Variants in RAG1 observed in about 807,000 individuals in gnomAD.
RAG1 encodes the protein recombination activating 1.
RAG1 carries 35 observed loss-of-function variants against 62.7 expected under a neutral mutation model. The ratio of observed to expected loss-of-function variants is 0.56; its 90% CI spans 0.43 to 0.74. The LOEUF (loss-of-function observed/expected upper bound fraction) is 0.74. RAG1 is among the 30% of genes least tolerant of loss of function. RAG1 has a pLI of 0.00. For synonymous variants in RAG1, 461 were observed against 470.3 expected (o/e 0.98, Z 0.26); for missense variants, 1,169 against 1,278.6 (o/e 0.91, Z 1.31).
chr11:36,579,709 A>T lies in RAG1; in HGVS notation c.*3273A>T, dbSNP rs1380011696. ...ATTTCCATTCATTAATATTATGGTT[A>T]TTGTCAGCAATTTTATGTTTGAATA... On this transcript the variant is annotated 3_prime_UTR_variant, in exon 2 of 2. Coordinates refer to ENST00000299440, the MANE Select transcript of RAG1 (RefSeq NM_000448.3). 1 of 166,906 alleles carries T rather than the reference A, an allele frequency of 6.0e-6. No individual in the cohort carries two copies. Among genetic ancestry groups the T allele is most frequent in the African/African-American group, 2.4e-5 (1 of 41,454 alleles). The allele number at this position is 166,906 out of a possible 1,614,324, so 10.3% of individuals were successfully genotyped here. A position where few individuals can be genotyped will look rare whatever the true frequency, so the allele number is the denominator to read the frequency against.
intron 2 of RAG1, among the ~76,000 whole-genome samples, chr11:36,528,361 A>T (rs958484250): frequency 1.3e-5 from 2 of 152,158 alleles, no homozygotes; most frequent in Non-Finnish European, 2.9e-5. Flanking sequence ...ACTCAACTAC[A>T]TGGAAACTGA....
At chr11:36,551,439 G>T (rs1047712845) in intron 3 of RAG1, among the ~76,000 whole-genome samples, 3 of 152,000 alleles carry the variant, frequency 2.0e-5, no homozygotes, top group East Asian at 3.9e-4. Flanking sequence ...AGTGGAATTG[G>T]TTTCTCTGAG....
At position 36,573,606 on chromosome 11, in the gene RAG1, C is replaced by A. The variant is rs772170562; in HGVS notation, c.302C>A (p.Ala101Glu). Residue 101 changes from alanine (A) to glutamate (E), a missense_variant, in exon 2 of 2, where the codon GCG becomes GAG. Transcript: ENST00000299440. ...GACAACGAGAAAGCAAGAGGCAAAG[C>A]GATCCATCAAGCCAACCTTCGACAT... is the stretch of plus-strand genomic sequence containing the variant. ...FHDNEKARGK[A>E]IHQANLRHLC... The A allele has an allele frequency of 6.2e-7, 1 of 1,614,166 alleles. No individual in the cohort carries two copies. Among genetic ancestry groups the A allele is most frequent in the Non-Finnish European group, 8.5e-7 (1 of 1,180,024 alleles).
downstream of RAG1, among the ~76,000 whole-genome samples, chr11:36,540,760 A>G (rs1313051487): frequency 6.6e-6 from 1 of 152,200 alleles, no homozygotes; most frequent in East Asian, 1.9e-4. Flanking sequence ...TTCTTTGGAC[A>G]TACCAAAGAC....
downstream of RAG1, among the ~76,000 whole-genome samples, chr11:36,540,745 C>A (rs1045184805): frequency 6.6e-6 from 1 of 152,180 alleles, no homozygotes; most frequent in Non-Finnish European, 1.5e-5. Flanking sequence ...CCAATCTTCT[C>A]TTTGTTCTTT....
At chr11:36,549,169 C>T (rs1218443451) in intron 3 of RAG1, among the ~76,000 whole-genome samples, 1 of 152,096 alleles carries the variant, frequency 6.6e-6, no homozygotes, top group Non-Finnish European at 1.5e-5. Flanking sequence ...CCATAAAAAC[C>T]CTAGAAGAAA....
chr11:36,549,464 G>T (rs1296875802), intron 3 of RAG1, among the ~76,000 whole-genome samples: 1 of 152,136 alleles, frequency 6.6e-6, no homozygotes, highest in East Asian at 1.9e-4. Context: ...GTGGGCGAAG[G>T]ATATGAACAG....
chr11:36,574,136 C>T lies in RAG1; in HGVS notation c.832C>T (p.Leu278Phe), dbSNP rs770722305. The T allele has an allele frequency of 3.1e-6, 5 of 1,614,216 alleles. No individual in the cohort carries two copies. In the South Asian group the frequency reaches 5.5e-5, roughly 18 times the overall value. ...NCSKIHLSTKLLAVDFPEHFV... is the reference protein window; with the variant it reads ...NCSKIHLSTKFLAVDFPEHFV... ...CAGTAAGATACATCTTAGTACCAAG[C>T]TCCTTGCAGTGGACTTCCCAGAGCA... The change falls in exon 2 of 2, where the codon CTC (leucine) becomes TTC (phenylalanine). Residue 278 changes from leucine to phenylalanine, a missense_variant. Leu to Phe is a conservative substitution (Grantham distance 22, BLOSUM62 0). Around this residue, in one of 2 missense-constraint regions of RAG1, gnomAD observed 800 missense variants for 943.3 expected, o/e 0.85. Transcript: ENST00000299440.
chr11:36,518,817 C>A (rs1239674645), intron 1 of RAG1, among the ~76,000 whole-genome samples: 1 of 152,172 alleles, frequency 6.6e-6, no homozygotes, highest in Non-Finnish European at 1.5e-5. Flanking sequence ...ATGGTAGTTT[C>A]TTTTGCTGTG....
At chr11:36,518,208 T>G (rs1335928560) in intron 1 of RAG1, among the ~76,000 whole-genome samples, 1 of 152,108 alleles carries the variant, frequency 6.6e-6, no homozygotes, top group Non-Finnish European at 1.5e-5. Flanking sequence ...CCATGGTGTA[T>G]ATGTGCCACA....
intron 1 of RAG1, among the ~76,000 whole-genome samples, chr11:36,572,337 C>A (rs937719625): frequency 2.6e-5 from 4 of 152,164 alleles, no homozygotes; most frequent in African/African-American, 9.7e-5. Context: ...TTTTCTGCAT[C>A]GCTAGCGATC....
downstream of RAG1, among the ~76,000 whole-genome samples, chr11:36,540,720 T>A (rs532926258): frequency 6.6e-6 from 1 of 152,206 alleles, no homozygotes; most frequent in Non-Finnish European, 1.5e-5. Flanking sequence ...TTCTTCGTTT[T>A]TTAAAATGAA....
intron 2 of RAG1, among the ~76,000 whole-genome samples, chr11:36,527,710 C>G (rs1049209294): frequency 1.2e-4 from 18 of 152,144 alleles, no homozygotes; most frequent in African/African-American, 3.9e-4. Context: ...TTCTTCCTAT[C>G]CATGAGCATG....
chr11:36,545,348 G>C (rs139249286), intron 3 of RAG1, among the ~76,000 whole-genome samples: 1 of 152,120 alleles, frequency 6.6e-6, no homozygotes, highest in Non-Finnish European at 1.5e-5. Flanking sequence ...GAGGTTATAA[G>C]GGTGGGCTTG....
intron 3 of RAG1, among the ~76,000 whole-genome samples, chr11:36,559,887 G>A (rs111439016): frequency 0.012 from 1,819 of 152,248 alleles, 31 homozygotes; most frequent in African/African-American, 0.041. Context: ...TTTAGGGTCT[G>A]TTACAGGAGA....
chr11:36,536,638 G>T (rs200148259), downstream of RAG1, among the ~76,000 whole-genome samples: 4 of 90,200 alleles, frequency 4.4e-5, no homozygotes, highest in Non-Finnish European at 4.8e-5. Flanking sequence ...AGACAAATAA[G>T]AAGAAAAATA....
chr11:36,533,698 T>G (rs940799562), intron 2 of RAG1, among the ~76,000 whole-genome samples: 1 of 152,206 alleles, frequency 6.6e-6, no homozygotes, highest in Non-Finnish European at 1.5e-5. Context: ...TCCCTCTGTT[T>G]TTTAAATGGG....
chr11:36,542,700 G>A (rs1850327619), intron 3 of RAG1, among the ~76,000 whole-genome samples: 1 of 152,148 alleles, frequency 6.6e-6, no homozygotes, highest in Admixed American at 6.5e-5. Flanking sequence ...ACAGAAAACA[G>A]GGGACTTTCA....
chr11:36,521,575 A>G (rs1348072085), intron 2 of RAG1, among the ~76,000 whole-genome samples: 1 of 152,156 alleles, frequency 6.6e-6, no homozygotes, highest in Non-Finnish European at 1.5e-5. Flanking sequence ...GTGAAAAAGG[A>G]CTATTACAGT....
Sources: gnomAD v4.1 joint callset for allele counts (sites outside exome capture counted in the v4.1 genomes callset) on GRCh38, gnomAD v4.1.1 for gene constraint, gnomAD v4.1.1 regional missense constraint, MANE v1.5 for transcripts, NCBI Gene and HGNC (gene_info 2026-07-23, HGNC 2026-07-21) for gene names.